Variants in DSTYK observed in about 807,000 individuals in gnomAD.
DSTYK encodes the protein RIP-homologous kinase.
In DSTYK, 34 loss-of-function variants were observed where a neutral mutation model predicts 98.7. That is an observed-to-expected ratio of 0.34 (90% CI 0.26 to 0.46). The LOEUF (loss-of-function observed/expected upper bound fraction) is 0.46. Ranked by LOEUF, DSTYK falls within the 20% of genes least tolerant of loss-of-function variation. The pLI, the probability that DSTYK is intolerant of heterozygous loss-of-function variation, is 1.00. For synonymous variants in DSTYK, 462 were observed against 457.3 expected (o/e 1.01, Z -0.13); for missense variants, 962 against 1,181.7 (o/e 0.81, Z 2.73).
rs151085199 is a variant in DSTYK at position 205,204,348 on chromosome 1, C to A, written c.265+6923G>T. Among the ~76,000 whole-genome samples, 455 of 152,154 alleles carry A rather than the reference C, an allele frequency of 3.0e-3. 3 individuals are homozygous for A. Among genetic ancestry groups the A allele is most frequent in the Middle Eastern group, 6.8e-3 (2 of 294 alleles). ...GGACTGGGAGCCTAGAGACTCGGGC[C>A]TAAATCTGCCTCTAGCTCAAAACTG... On this transcript the variant is annotated intron_variant, in intron 1 of 12. Coordinates refer to ENST00000367162, the MANE Select transcript of DSTYK (RefSeq NM_015375.3).
At chr1:205,156,476 T>G (rs770607350) in intron 10 of DSTYK, among the ~76,000 whole-genome samples, 8 of 152,222 alleles carry the variant, frequency 5.3e-5, no homozygotes, top group Non-Finnish European at 8.8e-5. Flanking sequence ...ATTTTGGAAC[T>G]GCAGGGTTTA....
At chr1:205,192,427 G>T (rs1334941537) in intron 1 of DSTYK, among the ~76,000 whole-genome samples, 1 of 152,134 alleles carries the variant, frequency 6.6e-6, no homozygotes, top group Non-Finnish European at 1.5e-5. Flanking sequence ...GTACTACTCA[G>T]GAGGCTGAGG....
chr1:205,149,331 T>C (rs2102376442), intron 11 of DSTYK, among the ~76,000 whole-genome samples: 1 of 152,230 alleles, frequency 6.6e-6, no homozygotes, highest in South Asian at 2.1e-4. Context: ...AGTGAAGGGC[T>C]GGGGGAAGAC....
At chr1:205,154,074 T>C (rs1657486511) in intron 10 of DSTYK, among the ~76,000 whole-genome samples, 1 of 150,712 alleles carries the variant, frequency 6.6e-6, no homozygotes, top group South Asian at 2.1e-4. Context: ...TGTGTGTGTG[T>C]GTGTGTGTGT....
intron 2 of DSTYK, 106 bp downstream of exon 2, chr1:205,187,312 C>T: frequency 1.5e-6 from 2 of 1,315,800 alleles, no homozygotes; most frequent in Non-Finnish European, 2.1e-6. Context: ...GCCACTGCTG[C>T]TCAGAGTTCA....
At chr1:205,160,412 T>A in intron 7 of DSTYK, 142 bp from the exon 8 acceptor site, 1 of 751,502 alleles carries the variant, frequency 1.3e-6, no homozygotes, top group Non-Finnish European at 2.1e-6. Flanking sequence ...CTCTGCTCAC[T>A]GCAACCTCTG....
At chr1:205,155,281 C>T (rs1441980736) in intron 10 of DSTYK, among the ~76,000 whole-genome samples, 2 of 151,868 alleles carry the variant, frequency 1.3e-5, no homozygotes, top group East Asian at 3.9e-4. Context: ...ACCATACCCA[C>T]CCCGGAAGAA....
At position 205,167,700 on chromosome 1, in the gene DSTYK, G is replaced by A. The variant is rs138197857; in HGVS notation, c.1324+1463C>T. ...TAGGTGTAGGAGTTAAACTTAGTCTGTAGAAGTAGGGAGCCAGTAAAGGTG... is the reference window on the plus strand; with the variant it reads ...TAGGTGTAGGAGTTAAACTTAGTCTATAGAAGTAGGGAGCCAGTAAAGGTG... On this transcript the variant is annotated intron_variant, in intron 3 of 12. Coordinates refer to ENST00000367162, the MANE Select transcript of DSTYK (RefSeq NM_015375.3). Among the ~76,000 whole-genome samples the A allele has an allele frequency of 1.4e-3, 220 of 152,336 alleles. 1 individual carries two copies. Among genetic ancestry groups the A allele is most frequent in the African/African-American group, 4.5e-3 (189 of 41,576 alleles).
intron 1 of DSTYK, among the ~76,000 whole-genome samples, chr1:205,199,151 T>A (rs1455179748): frequency 6.6e-6 from 1 of 152,164 alleles, no homozygotes; most frequent in Non-Finnish European, 1.5e-5. Flanking sequence ...CAAGTCCTAC[T>A]CCCATCATCC....
chr1:205,151,044 T>C (rs1657387918), intron 10 of DSTYK, among the ~76,000 whole-genome samples: 1 of 152,248 alleles, frequency 6.6e-6, no homozygotes, highest in South Asian at 2.1e-4. Context: ...AGCGTATTAC[T>C]GTACTGAATA....
intron 4 of DSTYK, among the ~76,000 whole-genome samples, 173 bp downstream of exon 4, chr1:205,163,550 C>A (rs1356418206): frequency 6.6e-6 from 1 of 152,162 alleles, no homozygotes; most frequent in Admixed American, 6.5e-5. Context: ...AGTTTTACAG[C>A]TCACCAACAT....
At chr1:205,197,457 CTT>C (rs1209019244) in intron 1 of DSTYK, among the ~76,000 whole-genome samples, 1 of 152,070 alleles carries the variant, frequency 6.6e-6, no homozygotes, top group Non-Finnish European at 1.5e-5. Flanking sequence ...TATTGGAACT[CTT>C]TTATTGTTCT....
rs1273433309 is a variant in DSTYK, at chr1:205,187,801, G to A, written c.271C>T (p.Leu91=). The A allele has an allele frequency of 6.2e-7, 1 of 1,608,636 alleles. No individual in the cohort carries two copies. Among genetic ancestry groups the A allele is most frequent in the African/African-American group, 1.3e-5 (1 of 74,918 alleles). ...TTAGGTGGGAAGGAAATGCAGCTCA[G>A]TTGGCCTGGTTGGGGAAGGGGAGAG... is the stretch of plus-strand genomic sequence containing the variant. ...VAETGLQAGQ[L]SCISFPPKEE... is the part of the protein sequence containing the mutation. The change falls in exon 2 of 13, where the codon CTG becomes TTG. Residue 91 remains leucine, a synonymous_variant. Transcript: ENST00000367162.
At chr1:205,172,988 C>A (rs144078258) in intron 2 of DSTYK, 1 of 152,238 alleles carries the variant, frequency 6.6e-6, no homozygotes, top group East Asian at 1.9e-4. Context: ...CAGGCATATT[C>A]AAAAAGTTGG....
chr1:205,204,955 G>A (rs1194045043), intron 1 of DSTYK, among the ~76,000 whole-genome samples: 3 of 152,148 alleles, frequency 2.0e-5, no homozygotes, highest in Admixed American at 6.5e-5. Flanking sequence ...GAATGCACTA[G>A]AATAGGAACC....
At chr1:205,192,536 A>C (rs1270322727) in intron 1 of DSTYK, among the ~76,000 whole-genome samples, 1 of 151,910 alleles carries the variant, frequency 6.6e-6, no homozygotes, top group Admixed American at 6.6e-5. Flanking sequence ...TCACAAAATA[A>C]TAATAATAAA....
chr1:205,147,983 T>C (rs1657292737), intron 12 of DSTYK, among the ~76,000 whole-genome samples: 1 of 151,754 alleles, frequency 6.6e-6, no homozygotes, highest in Non-Finnish European at 1.5e-5. Context: ...AGTTGAAGAA[T>C]CGGACATTTT....
chr1:205,192,060 C>T (rs1658728952), intron 1 of DSTYK, among the ~76,000 whole-genome samples: 1 of 151,892 alleles, frequency 6.6e-6, no homozygotes, highest in Non-Finnish European at 1.5e-5. Context: ...TTGTTTACTT[C>T]TAAACAAAAG....
At chr1:205,196,533 G>T (rs1281529632) in intron 1 of DSTYK, among the ~76,000 whole-genome samples, 3 of 152,082 alleles carry the variant, frequency 2.0e-5, no homozygotes, top group Non-Finnish European at 4.4e-5. Context: ...CATCCAGCCT[G>T]GGTAACAGAG....
Sources: allele counts gnomAD v4.1 joint callset (sites outside exome capture counted in the v4.1 genomes callset), GRCh38; gene constraint gnomAD v4.1.1; transcripts MANE v1.5; gene names NCBI Gene and HGNC (gene_info 2026-07-23, HGNC 2026-07-21).